Variants in WDR27 observed in about 807,000 individuals in gnomAD.
WDR27 encodes the protein WD repeat domain 27.
In WDR27, 100 loss-of-function variants were observed where a neutral mutation model predicts 114.4. The observed-to-expected ratio is 0.87, with a 90% CI of 0.74 to 1.03. The LOEUF (loss-of-function observed/expected upper bound fraction) is 1.03. Ranked by LOEUF, WDR27 falls within the 50% of genes least tolerant of loss-of-function variation. The pLI is 0.00. For missense variants in WDR27, 1,129 were observed against 1,092.9 expected, an observed-to-expected ratio of 1.03 and a Z score of -0.47; for synonymous variants, 449 against 423.1, an observed-to-expected ratio of 1.06 and a Z score of -0.75.
intron 25 of WDR27, among the ~76,000 whole-genome samples, chr6:169,567,897 G>T (rs1800759179): frequency 6.6e-6 from 1 of 152,192 alleles, no homozygotes; most frequent in Non-Finnish European, 1.5e-5. Flanking sequence ...TGTTCCTAGA[G>T]AGGCTGGCCC....
At chr6:169,616,748 T>C (rs1316207487) in intron 21 of WDR27, among the ~76,000 whole-genome samples, 1 of 152,006 alleles carries the variant, frequency 6.6e-6, no homozygotes, top group African/African-American at 2.4e-5. Flanking sequence ...AGATAAAAAA[T>C]CTCAAAGATA....
chr6:169,428,864 G>C, the WDR27 span, among the ~76,000 whole-genome samples: 3 of 152,098 alleles, frequency 2.0e-5, no homozygotes, highest in African/African-American at 7.2e-5. Flanking sequence ...GGAAGTCTTC[G>C]TCCCACTTCT....
At chr6:169,635,146 T>C (rs1191267429) in intron 19 of WDR27, among the ~76,000 whole-genome samples, 1 of 151,750 alleles carries the variant, frequency 6.6e-6, no homozygotes, top group East Asian at 1.9e-4. Flanking sequence ...GGCGGGCAGA[T>C]CACGAGGTCA....
intron 25 of WDR27, among the ~76,000 whole-genome samples, chr6:169,566,378 A>C (rs9396968): frequency 0.85 from 129,440 of 152,196 alleles, 56,000 homozygotes; most frequent in Admixed American, 0.93. Flanking sequence ...GGAGCCCCCA[A>C]CCCACAGAGG....
intron 21 of WDR27, among the ~76,000 whole-genome samples, chr6:169,621,733 TATAC>T (rs1584658164): frequency 2.2e-5 from 3 of 136,322 alleles, no homozygotes; most frequent in South Asian, 4.8e-4. Context: ...CATTCACACA[TATAC>T]ATACACACAC....
intron 14 of WDR27, among the ~76,000 whole-genome samples, chr6:169,650,489 C>G (rs1160614096): frequency 1.3e-5 from 2 of 149,050 alleles, no homozygotes; most frequent in Non-Finnish European, 1.5e-5. Flanking sequence ...CCATCCGTCT[C>G]TCCATCCCTC....
At chr6:169,517,066 T>C (rs1272408070) in intron 25 of WDR27, among the ~76,000 whole-genome samples, 1 of 152,112 alleles carries the variant, frequency 6.6e-6, no homozygotes, top group Non-Finnish European at 1.5e-5. Context: ...AGATGGGGCC[T>C]GGTGGGAGGT....
At chr6:169,459,695 C>G (rs1430836883) in intron 25 of WDR27, among the ~76,000 whole-genome samples, 5 of 152,004 alleles carry the variant, frequency 3.3e-5, no homozygotes, top group Non-Finnish European at 7.4e-5. Context: ...CTGGAAGGAA[C>G]AAGAGAAAAG....
Position 169,688,887 on chromosome 6 carries a change from A to G in WDR27, c.119T>C (p.Met40Thr). ...SVSHVQLACSMQDCAFPLDGT... is the reference protein window; with the variant it reads ...SVSHVQLACSTQDCAFPLDGT... ...ATCCAAAGGGAAAGCACAGTCCTGC[A>G]TGCTGCAAGCAAGCTGAACATGAGA... The change falls in exon 2 of 26, where the codon ATG becomes ACG. Residue 40 changes from methionine to threonine, a missense_variant. Physicochemically the swap from Met to Thr is moderately conservative, Grantham distance 81. Transcript: ENST00000448612. 2 of 1,614,002 alleles carry G rather than the reference A, an allele frequency of 1.2e-6. No individual in the cohort carries two copies. The highest frequency in any genetic ancestry group is 1.7e-6 in the Non-Finnish European group (2 of 1,179,872).
At chr6:169,537,765 G>T (rs1383412603) in intron 25 of WDR27, among the ~76,000 whole-genome samples, 2 of 152,128 alleles carry the variant, frequency 1.3e-5, no homozygotes, top group Non-Finnish European at 2.9e-5. Flanking sequence ...TAATGGACAT[G>T]GGGGGAAGCC....
intron 16 of WDR27, among the ~76,000 whole-genome samples, chr6:169,644,053 C>T (rs1398093011): frequency 3.7e-5 from 5 of 135,948 alleles, no homozygotes; most frequent in Admixed American, 7.6e-5. Context: ...CTAGTTCATA[C>T]GAGTCACACT....
intron 25 of WDR27, among the ~76,000 whole-genome samples, chr6:169,527,220 G>T (rs1044530216): frequency 6.6e-6 from 1 of 151,194 alleles, no homozygotes; most frequent in African/African-American, 2.4e-5. Flanking sequence ...ATTCACTATA[G>T]CCAAAAAGTG....
At chr6:169,533,121 G>C (rs537430380) in intron 25 of WDR27, among the ~76,000 whole-genome samples, 1 of 152,126 alleles carries the variant, frequency 6.6e-6, no homozygotes. Flanking sequence ...CAGGCTCCCA[G>C]GGAAGAACAC....
Position 169,498,929 on chromosome 6 carries a change from TACTGCACGGA to T in WDR27, c.2646-41305_2646-41296del, listed in dbSNP as rs1368473863. Among the ~76,000 whole-genome samples the T allele has an allele frequency of 1.1e-4, 16 of 152,306 alleles. No homozygotes were observed. The East Asian group carries it at 2.7e-3, about 26-fold the overall frequency. On this transcript the variant is annotated intron_variant, in intron 25 of 25. Transcript: ENST00000448612. Reference sequence around the variant, plus strand: ...ACACAAATCTAGACACATGTAATAATACTGCACGGAACTGCATACCTGCGCAGAACTGCAA... The same window carrying T: ...ACACAAATCTAGACACATGTAATAATACTGCATACCTGCGCAGAACTGCAA...
chr6:169,683,330 C>A (rs1035327881), intron 2 of WDR27, among the ~76,000 whole-genome samples: 1 of 151,980 alleles, frequency 6.6e-6, no homozygotes, highest in East Asian at 1.9e-4. Context: ...AAATAACATA[C>A]AAGGGAGACC....
At chr6:169,664,859 G>A in intron 7 of WDR27, 1 of 990,168 alleles carries the variant, frequency 1.0e-6, no homozygotes, top group South Asian at 4.6e-5. Context: ...AAGCACGGGG[G>A]ATGCCACACA....
rs1390885753 is a variant in WDR27, at chr6:169,589,235, T to C, written c.2425-6301A>G. Among the ~76,000 whole-genome samples the C allele has an allele frequency of 2.0e-5, 3 of 152,194 alleles. No homozygotes were observed. In the East Asian group the frequency reaches 5.8e-4, roughly 29 times the overall value. ...TCTCTTTTCCATCCATTATTTCCAATGATAAAATACAGAGGTTAACAGCAG... is the reference window on the plus strand; with the variant it reads ...TCTCTTTTCCATCCATTATTTCCAACGATAAAATACAGAGGTTAACAGCAG... On this transcript the variant is annotated intron_variant, in intron 23 of 25. Transcript: ENST00000448612.
At chr6:169,693,811 C>A (rs1785119405) in intron 1 of WDR27, among the ~76,000 whole-genome samples, 1 of 151,132 alleles carries the variant, frequency 6.6e-6, no homozygotes, top group South Asian at 2.1e-4. Context: ...TAAATATATA[C>A]ACACCTAACA....
intron 25 of WDR27, among the ~76,000 whole-genome samples, chr6:169,461,730 T>A (rs191499123): frequency 6.8e-6 from 1 of 147,322 alleles, no homozygotes; most frequent in African/African-American, 2.5e-5. Flanking sequence ...ACAAGTGTTA[T>A]CACAAAGCTA....
Sources: allele counts gnomAD v4.1 joint callset (sites outside exome capture counted in the v4.1 genomes callset), GRCh38; gene constraint gnomAD v4.1.1; transcripts MANE v1.5; gene names NCBI Gene and HGNC (gene_info 2026-07-23, HGNC 2026-07-21).